Variants in UNK observed in about 807,000 individuals in gnomAD.
The protein encoded by UNK is RING finger protein unkempt homolog.
UNK carries 32 observed loss-of-function variants against 97.6 expected under a neutral mutation model. The observed-to-expected ratio is 0.33, with a 90% confidence interval of 0.25 to 0.44. The LOEUF (loss-of-function observed/expected upper bound fraction) is 0.44. Among genes scored for constraint, UNK ranks in the 20% least tolerant of loss-of-function variants. The pLI is 1.00. For synonymous variants in UNK, 441 were observed against 461.2 expected, an observed-to-expected ratio of 0.96 and a Z score of 0.56; for missense variants, 771 against 1,098.4, an observed-to-expected ratio of 0.70 and a Z score of 4.21.
intron 1 of UNK, among the ~76,000 whole-genome samples, chr17:75,790,226 G>A (rs1293916018): frequency 6.6e-6 from 1 of 152,130 alleles, no homozygotes; most frequent in Non-Finnish European, 1.5e-5. Context: ...GAACCCAGGA[G>A]GCGGGGGTTG....
At chr17:75,796,560 C>A (rs1268822628) in intron 1 of UNK, among the ~76,000 whole-genome samples, 1 of 152,160 alleles carries the variant, frequency 6.6e-6, no homozygotes, top group South Asian at 2.1e-4. Context: ...CTTCTGGCCT[C>A]AAGCAGTCGT....
chr17:75,815,220 C>T lies in UNK; in HGVS notation c.928C>T (p.Arg310Ter). The change falls in exon 7 of 16, where the codon CGA becomes TGA. Residue 310 changes from arginine (R) to a stop codon, truncating the protein, a stop_gained. Transcript: ENST00000589666. LOFTEE classifies it high-confidence loss of function. ...NDMQQSGSCP[R>*]GPFCAFAHVE... ...CATGCAGCAGTCGGGCAGCTGTCCC[C>T]GAGGACCCTTCTGCGCCTTTGCCCA... The T allele has an allele frequency of 6.2e-7, 1 of 1,613,572 alleles. No homozygotes were observed. Among genetic ancestry groups the T allele is most frequent in the Non-Finnish European group, 8.5e-7 (1 of 1,179,746 alleles).
At chr17:75,794,765 C>G (rs751243081) in intron 1 of UNK, among the ~76,000 whole-genome samples, 8 of 152,194 alleles carry the variant, frequency 5.3e-5, no homozygotes, top group Non-Finnish European at 8.8e-5. Context: ...GGGCAAGTGA[C>G]TTACCTCTTT....
intron 5 of UNK, 37 bp downstream of exon 5, chr17:75,813,250 G>C: frequency 6.5e-7 from 1 of 1,547,754 alleles, no homozygotes; most frequent in Non-Finnish European, 8.7e-7. Context: ...CGGGAGGGAG[G>C]AGTGGCAGGG....
chr17:75,813,770 A>G lies in UNK; in HGVS notation c.768A>G (p.Pro256=), dbSNP rs1017230865. The G allele has an allele frequency of 1.6e-5, 25 of 1,592,674 alleles. No individual in the cohort carries two copies. Among genetic ancestry groups the G allele is most frequent in the Non-Finnish European group, 2.1e-5 (24 of 1,169,862 alleles). Residue 256 remains proline, a synonymous_variant, in exon 6 of 16, where the codon CCA becomes CCG. Coordinates refer to ENST00000589666, the MANE Select transcript of UNK (RefSeq NM_001080419.3). ...CCCTCTTGTTGGCCAGGTCGTCTCC[A>G]TGTCCAAACGTCAAGCACGGGGATG... The part of the protein sequence containing the change: ...SPRKHKYRSS[P]CPNVKHGDEW...
In UNK at chr17:75,816,751, CT is replaced by C. The variant is rs762126146; in HGVS notation, c.962-18del. ...AGAGCTGGCTGGGGCCTGCTGACCC[CT>C]GCCCCTGACTCTTGCAGAGCCACCC... On this transcript the variant is annotated intron_variant, in intron 7 of 15. Coordinates refer to ENST00000589666, the MANE Select transcript of UNK (RefSeq NM_001080419.3). The surrounding 1 kb of genome is among the most constrained non-coding windows in gnomAD (Gnocchi z 4.0). The C allele has an allele frequency of 1.3e-5, 20 of 1,590,880 alleles. No individual in the cohort carries two copies. Among genetic ancestry groups the C allele is most frequent in the Non-Finnish European group, 3.4e-6 (4 of 1,173,248 alleles).
Position 75,784,816 on chromosome 17 carries a change from C to A in UNK, c.-65C>A. 1 of 1,535,662 alleles carries A rather than the reference C, an allele frequency of 6.5e-7. No homozygotes were observed. The highest frequency in any genetic ancestry group is 1.1e-5 in the South Asian group (1 of 89,346). On this transcript the variant is annotated 5_prime_UTR_variant, in exon 1 of 16. Coordinates refer to ENST00000589666, the MANE Select transcript of UNK (RefSeq NM_001080419.3). ...TGGCGCGGCGCAGGCGCACTGGGTC[C>A]TCGGCGCGGACCGCGCAGACTGAAT...
intron 1 of UNK, chr17:75,786,000 A>C (rs1191587263): frequency 6.6e-6 from 1 of 152,226 alleles, no homozygotes; most frequent in Non-Finnish European, 1.5e-5. Flanking sequence ...TTGGAGTAGA[A>C]AGAACTCAAA....
At chr17:75,820,864 G>A (rs1338823884) in intron 13 of UNK, among the ~76,000 whole-genome samples, 1 of 152,048 alleles carries the variant, frequency 6.6e-6, no homozygotes, top group East Asian at 1.9e-4. Context: ...TCGGGCCCAG[G>A]GAATGAGCCC....
chr17:75,812,996 C>G, intron 4 of UNK, 82 bp from the exon 5 acceptor site: 3 of 1,473,566 alleles, frequency 2.0e-6, no homozygotes, highest in Non-Finnish European at 2.7e-6. Flanking sequence ...AGTGGCTTCT[C>G]CTTCCCTCCA....
At chr17:75,815,089 G>A (rs566799637) in intron 6 of UNK, 80 bp from the exon 7 acceptor site, 23 of 1,293,622 alleles carry the variant, frequency 1.8e-5, no homozygotes, top group Middle Eastern at 1.9e-4. Context: ...CTAAGCCAGC[G>A]CACTCATGCT....
At position 75,817,009 on chromosome 17, in the gene UNK, G is replaced by A; in HGVS notation, c.1104+97G>A. The A allele has an allele frequency of 6.9e-7, 1 of 1,455,840 alleles. No homozygotes were observed. The highest frequency in any genetic ancestry group is 2.3e-5 in the Admixed American group (1 of 43,072). The allele number at this position is 1,455,840 out of a possible 1,614,324, so 90.2% of individuals were successfully genotyped here. On this transcript the variant is annotated intron_variant, in intron 8 of 15. Transcript: ENST00000589666. The surrounding 1 kb of genome is among the most constrained non-coding windows in gnomAD (Gnocchi z 5.8). ...CAGCCTGGGCTTGGGAGACCATCCTGGTATTTGTCCTCAGGCCAGGGGGAT... is the reference window on the plus strand; with the variant it reads ...CAGCCTGGGCTTGGGAGACCATCCTAGTATTTGTCCTCAGGCCAGGGGGAT...
intron 6 of UNK, 21 bp downstream of exon 6, chr17:75,813,899 G>T (rs572925485): frequency 2.6e-6 from 4 of 1,547,864 alleles, no homozygotes; most frequent in East Asian, 2.4e-5. Flanking sequence ...CAGCAGGGTG[G>T]GGGGGTGGCT....
Position 75,817,198 on chromosome 17 carries a change from T to G in UNK, c.1105-128T>G, listed in dbSNP as rs1430763446. 4 of 1,164,900 alleles carry G rather than the reference T, an allele frequency of 3.4e-6. No individual in the cohort carries two copies. The highest frequency in any genetic ancestry group is 4.8e-6 in the Non-Finnish European group (4 of 841,962). 72.2% of individuals were successfully genotyped at this position (1,164,900 alleles called of 1,614,324 possible). On this transcript the variant is annotated intron_variant, in intron 8 of 15. Coordinates refer to ENST00000589666, the MANE Select transcript of UNK (RefSeq NM_001080419.3). The surrounding 1 kb of genome is among the most constrained non-coding windows in gnomAD (Gnocchi z 5.8). ...AGCTTCGGGCTCCCCGAGTGGTCAC[T>G]GCTGCTCGTTGGCAGATGAAAGTGG...
In UNK at chr17:75,823,325, G is replaced by A. The variant is rs559085229; in HGVS notation, c.2080G>A (p.Ala694Thr). 7 of 1,610,798 alleles carry A rather than the reference G, an allele frequency of 4.3e-6. No individual in the cohort carries two copies. The highest frequency in any genetic ancestry group is 3.3e-5 in the Admixed American group (2 of 59,938). Residue 694 changes from alanine (A) to threonine (T), a missense_variant, in exon 15 of 16, where the codon GCC becomes ACC. By Grantham distance (58) the Ala-to-Thr change is moderately conservative (BLOSUM62 0). Coordinates refer to ENST00000589666, the MANE Select transcript of UNK (RefSeq NM_001080419.3). ...TGGTGAGCGGGCCAGTGCGGCGGGC[G>A]CCGAGTGCGAGCTGGCCCGGGAGCA... ...EAGERASAAG[A>T]ECELAREQRD... is the part of the protein sequence containing the mutation.
chr17:75,784,867 A>G lies in UNK; in HGVS notation c.-14A>G, dbSNP rs545777521. On this transcript the variant is annotated 5_prime_UTR_variant, in exon 1 of 16. Coordinates refer to ENST00000589666, the MANE Select transcript of UNK (RefSeq NM_001080419.3). The stretch of plus-strand genomic sequence containing the variant: ...AATAAAAGGGGAGCGGCGAAGAGGC[A>G]GGAAGACAAGACCATGTCGAAGGGC... 7 of 1,602,758 alleles carry G rather than the reference A, an allele frequency of 4.4e-6. No individual in the cohort carries two copies. The highest frequency in any genetic ancestry group is 2.7e-5 in the African/African-American group (2 of 74,566).
chr17:75,803,181 G>T (rs1438618349), intron 1 of UNK, among the ~76,000 whole-genome samples: 1 of 152,106 alleles, frequency 6.6e-6, no homozygotes, highest in East Asian at 1.9e-4. Context: ...GGCACATCAT[G>T]AGGTCAGGAG....
chr17:75,792,926 G>T (rs1386517550), intron 1 of UNK, among the ~76,000 whole-genome samples: 2 of 152,224 alleles, frequency 1.3e-5, no homozygotes, highest in African/African-American at 4.8e-5. Flanking sequence ...CAGCAACAGT[G>T]GTTCAGTGTG....
chr17:75,790,312 T>A (rs2061752396), intron 1 of UNK, among the ~76,000 whole-genome samples: 1 of 151,376 alleles, frequency 6.6e-6, no homozygotes, highest in Admixed American at 6.6e-5. Flanking sequence ...AAAAAAAAAG[T>A]TTATTCTTGA....
Sources: gnomAD v4.1 joint callset for allele counts (sites outside exome capture counted in the v4.1 genomes callset) on GRCh38, gnomAD v4.1.1 for gene constraint, Gnocchi (gnomAD v3.1) non-coding constraint, MANE v1.5 for transcripts, NCBI Gene and HGNC (gene_info 2026-07-23, HGNC 2026-07-21) for gene names.